CNGA1: variants seen among roughly 807,000 people sequenced by gnomAD.
The protein encoded by CNGA1 is cyclic nucleotide gated channel subunit alpha 1.
CNGA1 carries 53 observed loss-of-function variants against 69.7 expected under a neutral mutation model. That is an observed-to-expected ratio of 0.76 (90% CI 0.61 to 0.96). The LOEUF (loss-of-function observed/expected upper bound fraction) is 0.96, where lower values mean the gene tolerates loss of function less well. Ranked by LOEUF, CNGA1 falls within the 40% of genes least tolerant of loss-of-function variation. The pLI is 0.00. For synonymous variants in CNGA1, 249 were observed against 283.5 expected (o/e 0.88, Z 1.22); for missense variants, 739 against 811.2 (o/e 0.91, Z 1.08).
At chr4:47,968,328 T>G (rs987704602) in intron 3 of CNGA1, among the ~76,000 whole-genome samples, 5 of 152,168 alleles carry the variant, frequency 3.3e-5, no homozygotes, top group Non-Finnish European at 7.3e-5. Flanking sequence ...TAGGGGAGTT[T>G]TTTTTAATCT....
At chr4:47,972,175 T>C (rs1741082695) in intron 3 of CNGA1, among the ~76,000 whole-genome samples, 1 of 152,254 alleles carries the variant, frequency 6.6e-6, no homozygotes, top group African/African-American at 2.4e-5. Context: ...TATGCTAATA[T>C]ACATACAGCT....
At chr4:47,964,907 G>A (rs563038462) in intron 3 of CNGA1, among the ~76,000 whole-genome samples, 13 of 151,952 alleles carry the variant, frequency 8.6e-5, no homozygotes, top group South Asian at 2.1e-4. Flanking sequence ...CTTTTGCTAC[G>A]TCAGGAAATT....
intron 3 of CNGA1, among the ~76,000 whole-genome samples, chr4:47,955,292 C>G (rs189569888): frequency 2.7e-5 from 4 of 149,916 alleles, no homozygotes; most frequent in Non-Finnish European, 5.9e-5. Context: ...GAGCTGTTCT[C>G]CTGTCTCAGC....
rs1293199972 is a variant in CNGA1 at position 47,942,022 on chromosome 4, A to G, written c.545+19T>C. On this transcript the variant is annotated intron_variant, in intron 9 of 10. Transcript: ENST00000514170. ...ATGGGGTGAGATCCACAAAAAAAAAAAAAAAAAATTATAGACACCTGGCAA... is the reference window on the plus strand; with the variant it reads ...ATGGGGTGAGATCCACAAAAAAAAAGAAAAAAAATTATAGACACCTGGCAA... 1 of 1,551,950 alleles carries G rather than the reference A, an allele frequency of 6.4e-7. No individual in the cohort carries two copies. Among genetic ancestry groups the G allele is most frequent in the East Asian group, 2.3e-5 (1 of 44,400 alleles).
At chr4:47,991,415 C>T (rs1432677015) in intron 2 of CNGA1, among the ~76,000 whole-genome samples, 1 of 152,082 alleles carries the variant, frequency 6.6e-6, no homozygotes, top group African/African-American at 2.4e-5. Context: ...CCTGATCATT[C>T]GTGATGTTGA....
chr4:48,013,595 CG>C (rs1715255912), intron 1 of CNGA1, among the ~76,000 whole-genome samples: 1 of 152,090 alleles, frequency 6.6e-6, no homozygotes, highest in Non-Finnish European at 1.5e-5. Flanking sequence ...CCAAAGGAGG[CG>C]ATCAGATATG....
intron 2 of CNGA1, among the ~76,000 whole-genome samples, chr4:47,984,528 G>T (rs1295872591): frequency 6.6e-6 from 1 of 151,890 alleles, no homozygotes; most frequent in Non-Finnish European, 1.5e-5. Flanking sequence ...TGAGGCAGGA[G>T]AATTGCTTGA....
At chr4:47,944,217 A>G (rs1739262400) in intron 6 of CNGA1, among the ~76,000 whole-genome samples, 2 of 152,168 alleles carry the variant, frequency 1.3e-5, no homozygotes, top group African/African-American at 4.8e-5. Context: ...GTTGAGAAGA[A>G]GAGAGAGGAT....
chr4:47,963,089 G>C (rs1213754008), intron 3 of CNGA1, among the ~76,000 whole-genome samples: 5 of 152,054 alleles, frequency 3.3e-5, no homozygotes, highest in Non-Finnish European at 7.4e-5. Flanking sequence ...TTCTGGGTAG[G>C]TGGGAATACA....
intron 3 of CNGA1, among the ~76,000 whole-genome samples, chr4:47,953,204 T>C (rs1436198058): frequency 6.6e-6 from 1 of 152,246 alleles, no homozygotes; most frequent in African/African-American, 2.4e-5. Flanking sequence ...ATAGGAATTA[T>C]TCTTTAATAG....
intron 1 of CNGA1, among the ~76,000 whole-genome samples, chr4:48,015,542 A>C (rs1011667462): frequency 2.0e-5 from 3 of 152,212 alleles, no homozygotes; most frequent in African/African-American, 7.2e-5. Context: ...ATGCCAGAGC[A>C]CAAAGGCACC....
chr4:47,955,807 C>A (rs1250245492), intron 3 of CNGA1, among the ~76,000 whole-genome samples: 3 of 152,226 alleles, frequency 2.0e-5, no homozygotes, highest in East Asian at 1.9e-4. Context: ...AAGGCTACAA[C>A]CTCCTCTGGA....
chr4:47,979,255 A>G (rs1030304855), intron 3 of CNGA1, among the ~76,000 whole-genome samples: 1 of 144,700 alleles, frequency 6.9e-6, no homozygotes, highest in Non-Finnish European at 1.5e-5. Context: ...CAAGAGGCGG[A>G]GGTTGCAGTG....
At chr4:47,948,415 AT>A (rs1280824314) in intron 6 of CNGA1, among the ~76,000 whole-genome samples, 2 of 152,208 alleles carry the variant, frequency 1.3e-5, no homozygotes, top group Non-Finnish European at 2.9e-5. Flanking sequence ...CCTGTATAGA[AT>A]GCATTGGTCT....
At chr4:47,940,575 T>C (rs1739014159) in intron 10 of CNGA1, among the ~76,000 whole-genome samples, 188 bp downstream of exon 10, 1 of 152,228 alleles carries the variant, frequency 6.6e-6, no homozygotes, top group South Asian at 2.1e-4. Context: ...TAACTTCCTC[T>C]GAATCAGCTG....
At chr4:47,989,473 T>C (rs1373075350) in intron 2 of CNGA1, among the ~76,000 whole-genome samples, 1 of 152,096 alleles carries the variant, frequency 6.6e-6, no homozygotes, top group Non-Finnish European at 1.5e-5. Context: ...ACCATCATTC[T>C]ACGGTAACTG....
intron 3 of CNGA1, among the ~76,000 whole-genome samples, chr4:47,978,239 C>A (rs1327213514): frequency 6.6e-6 from 1 of 152,144 alleles, no homozygotes; most frequent in Non-Finnish European, 1.5e-5. Flanking sequence ...TAAAAATAAA[C>A]TCTCACAACG....
At chr4:47,955,152 T>A (rs538958306) in intron 3 of CNGA1, among the ~76,000 whole-genome samples, 1 of 150,012 alleles carries the variant, frequency 6.7e-6, no homozygotes, top group Non-Finnish European at 1.5e-5. Context: ...AATTTCTTTT[T>A]CTCTGTCTCT....
intron 2 of CNGA1, among the ~76,000 whole-genome samples, chr4:47,997,013 T>C (rs1392916327): frequency 1.3e-5 from 2 of 152,118 alleles, no homozygotes; most frequent in Non-Finnish European, 2.9e-5. Flanking sequence ...TGAGCCAAGA[T>C]TGTGCCACTT....
Sources: gnomAD v4.1 joint callset for allele counts (sites outside exome capture counted in the v4.1 genomes callset) on GRCh38, gnomAD v4.1.1 for gene constraint, MANE v1.5 for transcripts, NCBI Gene and HGNC (gene_info 2026-07-23, HGNC 2026-07-21) for gene names.